Variants in RMND5A observed in about 807,000 individuals in gnomAD.
RMND5A encodes the protein E3 ubiquitin-protein transferase RMND5A.
A neutral mutation model predicts 49.7 loss-of-function variants in RMND5A; 17 were observed. The ratio of observed to expected loss-of-function variants is 0.34; its 90% CI spans 0.23 to 0.51. RMND5A has a LOEUF of 0.51. Among genes scored for constraint, RMND5A ranks in the 20% least tolerant of loss-of-function variants. RMND5A has a pLI of 0.96. For missense variants in RMND5A, 255 were observed against 471.3 expected (o/e 0.54, Z 4.25); for synonymous variants, 156 against 167.7 (o/e 0.93, Z 0.54).
Position 86,775,714 on chromosome 2 carries a change from T to G in RMND5A, c.*2303T>G, listed in dbSNP as rs751319844. On this transcript the variant is annotated 3_prime_UTR_variant, in exon 9 of 9. Coordinates refer to ENST00000283632, the MANE Select transcript of RMND5A (RefSeq NM_022780.4). The stretch of plus-strand genomic sequence containing the variant: ...GAGGACCAAAAATCTGAAACTCTTA[T>G]GAATCTGACATATTATATGGAAATT... 3.3e-5 allele frequency: 5 copies of G among 152,232 alleles called. No homozygotes were observed. The highest frequency in any genetic ancestry group is 1.3e-4 in the Admixed American group (2 of 15,284). 9.4% of individuals were successfully genotyped at this position (152,232 alleles called of 1,614,324 possible).
intron 2 of RMND5A, among the ~76,000 whole-genome samples, chr2:86,750,615 AC>A (rs1681617611): frequency 6.6e-6 from 1 of 152,164 alleles, no homozygotes; most frequent in African/African-American, 2.4e-5. Flanking sequence ...GTTGGAGTTC[AC>A]TGACCTTCTA....
At chr2:86,758,316 T>C (rs982229846) in intron 4 of RMND5A, among the ~76,000 whole-genome samples, 1 of 152,244 alleles carries the variant, frequency 6.6e-6, no homozygotes, top group African/African-American at 2.4e-5. Flanking sequence ...TTCTGCTTTT[T>C]ACTTGAAAAA....
At position 86,776,969 on chromosome 2, in the gene RMND5A, T is replaced by C. The variant is rs1336809304; in HGVS notation, c.*3558T>C. On this transcript the variant is annotated 3_prime_UTR_variant, in exon 9 of 9. Transcript: ENST00000283632. Reference sequence around the variant, plus strand: ...CAGGTTTTGTGTGGTACACTGATGTTTACCATAAGCAGGTACAAGCTTCAT... The same window carrying C: ...CAGGTTTTGTGTGGTACACTGATGTCTACCATAAGCAGGTACAAGCTTCAT... 6.6e-6 allele frequency: 1 copy of C among 152,158 alleles called. No individual in the cohort carries two copies. The highest frequency in any genetic ancestry group is 1.5e-5 in the Non-Finnish European group (1 of 68,028). 9.4% of individuals were successfully genotyped at this position (152,158 alleles called of 1,614,324 possible).
At chr2:86,771,488 T>C in intron 7 of RMND5A, 70 bp from the exon 8 acceptor site, 1 of 1,381,410 alleles carries the variant, frequency 7.2e-7, no homozygotes, top group Admixed American at 1.9e-5. Context: ...CTGCACAGTG[T>C]ATATTACCAT....
Position 86,774,446 on chromosome 2 carries a change from G to A in RMND5A, c.*1035G>A, listed in dbSNP as rs1045035774. On this transcript the variant is annotated 3_prime_UTR_variant, in exon 9 of 9. Transcript: ENST00000283632. ...AACGTTTATTGCTGTTTTTGTGTTT[G>A]AATAGTATAATGTTTGATGCCTCTC... is the stretch of plus-strand genomic sequence containing the variant. The A allele has an allele frequency of 1.3e-5, 2 of 152,614 alleles. No homozygotes were observed. Among genetic ancestry groups the A allele is most frequent in the African/African-American group, 4.8e-5 (2 of 41,436 alleles). 9.5% of individuals were successfully genotyped at this position (152,614 alleles called of 1,614,324 possible). A position where few individuals can be genotyped will look rare whatever the true frequency, so the allele number is the denominator to read the frequency against.
In RMND5A at chr2:86,720,737, C is replaced by T. The variant is rs1370383149; in HGVS notation, c.70C>T (p.Leu24=). The change falls in exon 1 of 9, where the codon CTG becomes TTG. Residue 24 remains leucine (L), a synonymous_variant. Coordinates refer to ENST00000283632, the MANE Select transcript of RMND5A (RefSeq NM_022780.4). ...VLHKFSGYGQ[L]CERGLEELID... is the part of the protein sequence containing the mutation. ...GCACAAGTTCTCAGGCTACGGGCAGCTGTGCGAGCGCGGCCTGGAGGAGCT... is the reference window on the plus strand; with the variant it reads ...GCACAAGTTCTCAGGCTACGGGCAGTTGTGCGAGCGCGGCCTGGAGGAGCT... 1 of 1,590,870 alleles carries T rather than the reference C, an allele frequency of 6.3e-7. No homozygotes were observed. The highest frequency in any genetic ancestry group is 1.8e-4 in the Middle Eastern group (1 of 5,426).
intron 1 of RMND5A, among the ~76,000 whole-genome samples, chr2:86,732,444 T>A (rs1447785062): frequency 3.4e-5 from 5 of 146,726 alleles, no homozygotes; most frequent in African/African-American, 1.3e-4. Flanking sequence ...GCCAAAATAG[T>A]GGGTAAATCT....
At chr2:86,768,487 T>C (rs1488714929) in intron 6 of RMND5A, among the ~76,000 whole-genome samples, 1 of 152,068 alleles carries the variant, frequency 6.6e-6, no homozygotes, top group Non-Finnish European at 1.5e-5. Flanking sequence ...ATGCAGAAAG[T>C]TTACTGACAT....
chr2:86,747,038 G>T (rs1048275503), intron 2 of RMND5A, among the ~76,000 whole-genome samples: 2 of 152,150 alleles, frequency 1.3e-5, no homozygotes, highest in African/African-American at 2.4e-5. Context: ...CCTAAATATG[G>T]ATTATTTCAT....
At chr2:86,768,361 G>A (rs1672634592) in intron 6 of RMND5A, among the ~76,000 whole-genome samples, 1 of 152,234 alleles carries the variant, frequency 6.6e-6, no homozygotes, top group Non-Finnish European at 1.5e-5. Flanking sequence ...AGATGAATAA[G>A]GTGCATTCCA....
intron 4 of RMND5A, among the ~76,000 whole-genome samples, chr2:86,754,208 T>G (rs1681690328): frequency 6.6e-6 from 1 of 152,260 alleles, no homozygotes; most frequent in African/African-American, 2.4e-5. Flanking sequence ...TTACAACCCT[T>G]TAAAAATTTA....
At position 86,774,025 on chromosome 2, in the gene RMND5A, C is replaced by G. The variant is rs1400361805; in HGVS notation, c.*614C>G. ...TAGCTCTGCATGCAGCCCCAGCAGGCTGCGTGTTTAAGAATTTCATTGTTT... is the reference window on the plus strand; with the variant it reads ...TAGCTCTGCATGCAGCCCCAGCAGGGTGCGTGTTTAAGAATTTCATTGTTT... On this transcript the variant is annotated 3_prime_UTR_variant, in exon 9 of 9. Coordinates refer to ENST00000283632, the MANE Select transcript of RMND5A (RefSeq NM_022780.4). 6.6e-6 allele frequency: 1 copy of G among 152,670 alleles called. No homozygotes were observed. The highest frequency in any genetic ancestry group is 1.5e-5 in the Non-Finnish European group (1 of 68,062). The allele number at this position is 152,670 out of a possible 1,614,324, so 9.5% of individuals were successfully genotyped here. A position where few individuals can be genotyped will look rare whatever the true frequency, so the allele number is the denominator to read the frequency against.
At chr2:86,753,106 A>G (rs972813893) in intron 3 of RMND5A, among the ~76,000 whole-genome samples, 4 of 152,186 alleles carry the variant, frequency 2.6e-5, no homozygotes, top group African/African-American at 9.6e-5. Flanking sequence ...TACCTCTGTT[A>G]TTCCCAGGGT....
chr2:86,746,534 C>G (rs1224677123), intron 2 of RMND5A, among the ~76,000 whole-genome samples: 1 of 152,168 alleles, frequency 6.6e-6, no homozygotes, highest in African/African-American at 2.4e-5. Flanking sequence ...GATGTGAAAA[C>G]TTAGATTTGT....
intron 7 of RMND5A, among the ~76,000 whole-genome samples, chr2:86,770,983 G>A (rs1383879177): frequency 1.3e-5 from 2 of 152,222 alleles, no homozygotes; most frequent in East Asian, 1.9e-4. Context: ...ACCTGTACAC[G>A]GGTTTATTTG....
intron 4 of RMND5A, among the ~76,000 whole-genome samples, chr2:86,756,549 G>A (rs1009896928): frequency 6.6e-6 from 1 of 152,114 alleles, no homozygotes; most frequent in Non-Finnish European, 1.5e-5. Context: ...CAAAACATAA[G>A]ATTTAATAGA....
At chr2:86,748,042 A>G (rs6731890) in intron 2 of RMND5A, among the ~76,000 whole-genome samples, 100,978 of 152,038 alleles carry the variant, frequency 0.66, 33,730 homozygotes, top group East Asian at 0.91. Context: ...CTTAAAAAAT[A>G]TGAAAAGAAA....
rs1681286336 is a variant in RMND5A at position 86,726,634 on chromosome 2, T to G, written c.142+5825T>G. ...AATAAAAAGTCAGTATATTGGTGTT[T>G]CCAGTTGGGTTTAGAAGTAGATTTA... On this transcript the variant is annotated intron_variant, in intron 1 of 8. Coordinates refer to ENST00000283632, the MANE Select transcript of RMND5A (RefSeq NM_022780.4). Among the ~76,000 whole-genome samples, 2 of 76,978 alleles carry G rather than the reference T, an allele frequency of 2.6e-5. 1 individual carries two copies. Among genetic ancestry groups the G allele is most frequent in the Non-Finnish European group, 5.3e-5 (2 of 37,520 alleles). 50.5% of individuals were successfully genotyped at this position (76,978 alleles called of 152,430 possible). A position where few individuals can be genotyped will look rare whatever the true frequency, so the allele number is the denominator to read the frequency against.
chr2:86,729,281 G>A (rs974012576), intron 1 of RMND5A, among the ~76,000 whole-genome samples: 1 of 152,034 alleles, frequency 6.6e-6, no homozygotes, highest in African/African-American at 2.4e-5. Flanking sequence ...AGTGCTTCTG[G>A]TGAGTACAGA....
Sources: gnomAD v4.1 joint callset for allele counts (sites outside exome capture counted in the v4.1 genomes callset) on GRCh38, gnomAD v4.1.1 for gene constraint, MANE v1.5 for transcripts, NCBI Gene and HGNC (gene_info 2026-07-23, HGNC 2026-07-21) for gene names.